ZNF17: variants seen among roughly 807,000 people sequenced by gnomAD.
The protein encoded by ZNF17 is zinc finger protein 17, also known as zinc finger protein 17 (HPF3, KOX 10).
ZNF17 carries 4 observed loss-of-function variants against 7.7 expected under a neutral mutation model. That is an observed-to-expected ratio of 0.52 (90% confidence interval 0.26 to 1.20). ZNF17 has a LOEUF of 1.20. ZNF17 is among the 50% of genes most tolerant of loss of function. The probability of loss-of-function intolerance (pLI) is 0.14; values close to 1 mark genes in which losing one functional copy is unlikely to be tolerated. For missense variants in ZNF17, 738 were observed against 799.5 expected (o/e 0.92, Z 0.93); for synonymous variants, 249 against 258.8 (o/e 0.96, Z 0.36).
rs574681157 is a variant in ZNF17 at position 57,416,670 on chromosome 19, C to T, written c.22-1242C>T. ...GATTACAGGTGCCTGCCACCATGCC[C>T]GGCTAATTTTTGTATTTTTAGTAGA... On this transcript the variant is annotated intron_variant, in intron 2 of 3. Transcript: ENST00000307658. 1.1e-3 allele frequency among the ~76,000 whole-genome samples: 164 copies of T among 152,126 alleles called. 1 individual carries two copies. Among genetic ancestry groups the T allele is most frequent in the Non-Finnish European group, 1.8e-3 (123 of 68,002 alleles).
In ZNF17 at chr19:57,421,325, G is replaced by T. The variant is rs2088850420; in HGVS notation, c.1839G>T (p.Glu613Asp). The T allele has an allele frequency of 6.2e-7, 1 of 1,613,932 alleles. No homozygotes were observed. The highest frequency in any genetic ancestry group is 8.5e-7 in the Non-Finnish European group (1 of 1,179,964). Residue 613 changes from glutamate (E) to aspartate (D), a missense_variant, in exon 4 of 4, where the codon GAG becomes GAT. Coordinates refer to ENST00000307658, the MANE Select transcript of ZNF17 (RefSeq NM_001330617.2). ...ERVHTGEKPY[E>D]CSECGKVFRY... ...TTCATACTGGAGAAAAGCCTTATGA[G>T]TGCAGTGAATGTGGGAAAGTCTTTA...
chr19:57,418,121 G>C, intron 3 of ZNF17, 83 bp downstream of exon 3: 1 of 1,519,652 alleles, frequency 6.6e-7, no homozygotes, highest in Non-Finnish European at 8.9e-7. Context: ...TCTCACACCA[G>C]GTCATGGATG....
intron 2 of ZNF17, among the ~76,000 whole-genome samples, chr19:57,416,561 A>G (rs2088812578): frequency 6.6e-6 from 1 of 151,632 alleles, no homozygotes; most frequent in African/African-American, 2.4e-5. Flanking sequence ...CCCAGGATGG[A>G]GTGCAGTGGC....
At chr19:57,413,428 C>T (rs560179484) in intron 1 of ZNF17, 168 bp from the exon 2 acceptor site, 1 of 624,834 alleles carries the variant, frequency 1.6e-6, no homozygotes, top group Admixed American at 2.7e-5. Flanking sequence ...CACATAAGGG[C>T]ACCGAGACTT....
At position 57,411,299 on chromosome 19, in the gene ZNF17, A is replaced by G; in HGVS notation, c.-128A>G. 1 of 1,544,342 alleles carries G rather than the reference A, an allele frequency of 6.5e-7. No individual in the cohort carries two copies. The highest frequency in any genetic ancestry group is 8.8e-7 in the Non-Finnish European group (1 of 1,140,724). On this transcript the variant is annotated 5_prime_UTR_variant, in exon 1 of 4. Transcript: ENST00000307658. ...CAGAGGCTAGAGTGAGGCTCGGTTG[A>G]ATCGGTTGCAGGCGTTGGTGCCTCT...
chr19:57,420,811 AGCC>A lies in ZNF17; in HGVS notation c.1326_1328del (p.Lys442_Pro443delinsAsn), dbSNP rs1192104094. On this transcript the variant is annotated inframe_deletion, in exon 4 of 4. Coordinates refer to ENST00000307658, the MANE Select transcript of ZNF17 (RefSeq NM_001330617.2). ...CATCAGAGAGTTCATACTGGAGAAA[AGCC>A]TTATGAATGCAACAAATGTGGGAAA... is the stretch of plus-strand genomic sequence containing the variant. 1.2e-6 allele frequency: 2 copies of A among 1,612,968 alleles called. No individual in the cohort carries two copies. Among genetic ancestry groups the A allele is most frequent in the African/African-American group, 2.7e-5 (2 of 74,548 alleles).
rs750104474 is a variant in ZNF17 at position 57,411,366 on chromosome 19, T to G, written c.-61T>G. On this transcript the variant is annotated 5_prime_UTR_variant, in exon 1 of 4. Transcript: ENST00000307658. ...CTGCCGCTCCCGCCCCGCTCTTCCC[T>G]GGCTGTGCTGGCGGAGGCTGCGCCG... 2 of 1,612,334 alleles carry G rather than the reference T, an allele frequency of 1.2e-6. No homozygotes were observed. Among genetic ancestry groups the G allele is most frequent in the Non-Finnish European group, 8.5e-7 (1 of 1,179,298 alleles).
Position 57,419,644 on chromosome 19 carries a change from A to G in ZNF17, c.158A>G (p.His53Arg). 1.2e-6 allele frequency: 2 copies of G among 1,610,256 alleles called. No homozygotes were observed. The highest frequency in any genetic ancestry group is 1.7e-6 in the Non-Finnish European group (2 of 1,177,184). The change falls in exon 4 of 4, where the codon CAT (histidine) becomes CGT (arginine). Residue 53 changes from histidine (H) to arginine (R), a missense_variant. His to Arg is a conservative substitution (Grantham distance 29). This residue lies in a region of ZNF17 where 616 missense variants were observed against 663.9 expected (regional missense o/e 0.93). Transcript: ENST00000307658. ...AGCATTTCTGTTTTAGGTTGTTGGC[A>G]TGGAGCCAAGGATGAGGAGGCACCT... is the stretch of plus-strand genomic sequence containing the variant. The part of the protein sequence containing the change: ...FALLSSVGCW[H>R]GAKDEEAPSK...
rs538009235 is a variant in ZNF17, at chr19:57,418,588, C to G, written c.148+550C>G. 1.2e-4 allele frequency among the ~76,000 whole-genome samples: 18 copies of G among 152,288 alleles called. No individual in the cohort carries two copies. The East Asian group carries it at 3.3e-3, about 28-fold the overall frequency. On this transcript the variant is annotated intron_variant, in intron 3 of 3. Transcript: ENST00000307658. ...CTAACGCCACACCTAGATAGTTGCTCACCTTGAGCAAGGTAGAGGTCCCTG... is the reference window on the plus strand; with the variant it reads ...CTAACGCCACACCTAGATAGTTGCTGACCTTGAGCAAGGTAGAGGTCCCTG...
rs368071786 is a variant in ZNF17, at chr19:57,420,128, C to T, written c.642C>T (p.His214=). 1 of 1,614,242 alleles carries T rather than the reference C, an allele frequency of 6.2e-7. No individual in the cohort carries two copies. Among genetic ancestry groups the T allele is most frequent in the African/African-American group, 1.3e-5 (1 of 75,058 alleles). ...CACTGTTTGAGCACCAGAAAATCCACACAGAGGAAAGGCCTTATGAGTGCA... is the reference window on the plus strand; with the variant it reads ...CACTGTTTGAGCACCAGAAAATCCATACAGAGGAAAGGCCTTATGAGTGCA... ...QHTLFEHQKI[H]TEERPYECSE... Residue 214 remains histidine, a synonymous_variant, in exon 4 of 4, where the codon CAC becomes CAT. Transcript: ENST00000307658.
In ZNF17 at chr19:57,419,618, G is replaced by T; in HGVS notation, c.149-17G>T. 6.3e-7 allele frequency: 1 copy of T among 1,598,172 alleles called. No homozygotes were observed. Among genetic ancestry groups the T allele is most frequent in the South Asian group, 1.1e-5 (1 of 89,184 alleles). On this transcript the variant is annotated splice_polypyrimidine_tract_variant and intron_variant, in intron 3 of 3. Coordinates refer to ENST00000307658, the MANE Select transcript of ZNF17 (RefSeq NM_001330617.2). Reference sequence around the variant, plus strand: ...CCTCCAAAGTCATCATGCACTTCATGAGCATTTCTGTTTTAGGTTGTTGGC... The same window carrying T: ...CCTCCAAAGTCATCATGCACTTCATTAGCATTTCTGTTTTAGGTTGTTGGC...
At chr19:57,413,470 C>T in intron 1 of ZNF17, 126 bp from the exon 2 acceptor site, 1 of 940,130 alleles carries the variant, frequency 1.1e-6, no homozygotes, top group Non-Finnish European at 1.6e-6. Flanking sequence ...AGACACTGAA[C>T]CCTGAGGACT....
At chr19:57,417,234 A>G (rs2123066599) in intron 2 of ZNF17, among the ~76,000 whole-genome samples, 1 of 152,286 alleles carries the variant, frequency 6.6e-6, no homozygotes, top group South Asian at 2.1e-4. Flanking sequence ...TGGCAGATGC[A>G]CAGTTGAAGG....
chr19:57,418,637 C>G (rs536681884), intron 3 of ZNF17, among the ~76,000 whole-genome samples: 1 of 152,254 alleles, frequency 6.6e-6, no homozygotes, highest in South Asian at 2.1e-4. Context: ...GTGGACATTA[C>G]TCCATTGAAG....
chr19:57,414,754 A>G (rs2088801163), intron 2 of ZNF17, among the ~76,000 whole-genome samples: 1 of 148,448 alleles, frequency 6.7e-6, no homozygotes, highest in Admixed American at 6.8e-5. Flanking sequence ...TCTGTCGCCC[A>G]GGCCAGAGTG....
Position 57,419,756 on chromosome 19 carries a change from A to G in ZNF17, c.270A>G (p.Thr90=). The G allele has an allele frequency of 6.2e-7, 1 of 1,614,204 alleles. No homozygotes were observed. The highest frequency in any genetic ancestry group is 8.5e-7 in the Non-Finnish European group (1 of 1,180,038). ...LSTQKAQPCE[T]CSSLLKDILH... ...CCCAGAAGGCCCAGCCCTGTGAGAC[A>G]TGTAGCTCACTTCTGAAGGACATTC... is the stretch of plus-strand genomic sequence containing the variant. Residue 90 remains threonine (T), a synonymous_variant, in exon 4 of 4, where the codon ACA becomes ACG. Transcript: ENST00000307658.
At position 57,420,506 on chromosome 19, in the gene ZNF17, C is replaced by T. The variant is rs1402206354; in HGVS notation, c.1020C>T (p.Tyr340=). ...RPYGCNECGK[Y]FMYSSALIRH... ...ATGGATGCAATGAATGTGGGAAATA[C>T]TTTATGTACAGTTCAGCACTCATTA... is the stretch of plus-strand genomic sequence containing the variant. The change falls in exon 4 of 4, where the codon TAC becomes TAT. Residue 340 remains tyrosine, a synonymous_variant. Transcript: ENST00000307658. 6.2e-7 allele frequency: 1 copy of T among 1,614,164 alleles called. No individual in the cohort carries two copies. Among genetic ancestry groups the T allele is most frequent in the South Asian group, 1.1e-5 (1 of 91,084 alleles).
At position 57,411,404 on chromosome 19, in the gene ZNF17, G is replaced by C. The variant is rs1262519442; in HGVS notation, c.-23G>C. The stretch of plus-strand genomic sequence containing the variant: ...GGAGGCTGCGCCGATGAACCTGACT[G>C]AGGTGGGTGCCGCGTCCCAGGGCGC... On this transcript the variant is annotated splice_region_variant and 5_prime_UTR_variant, in exon 1 of 4. Transcript: ENST00000307658. 21 of 1,612,022 alleles carry C rather than the reference G, an allele frequency of 1.3e-5. No homozygotes were observed. Among genetic ancestry groups the C allele is most frequent in the Admixed American group, 6.7e-5 (4 of 59,920 alleles).
At chr19:57,411,498 C>G (rs759182623) in intron 1 of ZNF17, 92 bp downstream of exon 1, 2 of 1,536,490 alleles carry the variant, frequency 1.3e-6, no homozygotes, top group Non-Finnish European at 1.7e-6. Context: ...CCCTGTGTCC[C>G]AAAGAGAGGA....
Sources: gnomAD v4.1 joint callset for allele counts (sites outside exome capture counted in the v4.1 genomes callset) on GRCh38, gnomAD v4.1.1 for gene constraint, gnomAD v4.1.1 regional missense constraint, MANE v1.5 for transcripts, NCBI Gene and HGNC (gene_info 2026-07-23, HGNC 2026-07-21) for gene names.